PRELID2: variants seen among roughly 807,000 people sequenced by gnomAD.
PRELID2 encodes the protein PRELI domain containing 2.
PRELID2 carries 25 observed loss-of-function variants against 28.4 expected under a neutral mutation model. That is an observed-to-expected ratio of 0.88 (90% CI 0.64 to 1.23). PRELID2 has a LOEUF of 1.23. Among genes scored for constraint, PRELID2 ranks in the 50% most tolerant of loss-of-function variants. PRELID2 has a pLI of 0.00. For missense variants in PRELID2, 201 were observed against 214.4 expected, an observed-to-expected ratio of 0.94 and a Z score of 0.39; for synonymous variants, 76 against 71.6, an observed-to-expected ratio of 1.06 and a Z score of -0.31.
chr5:145,325,984 C>T, the PRELID2 span, among the ~76,000 whole-genome samples: 1 of 152,102 alleles, frequency 6.6e-6, no homozygotes, highest in African/African-American at 2.4e-5. Context: ...TATTTACAGA[C>T]ATTGGACAAC....
chr5:145,622,683 TC>T (rs1753788745), intron 1 of PRELID2, among the ~76,000 whole-genome samples: 1 of 152,144 alleles, frequency 6.6e-6, no homozygotes, highest in Admixed American at 6.5e-5. Flanking sequence ...ATTTGAACTT[TC>T]TTTAGTTAAA....
At chr5:145,596,527 G>C (rs1442729113) in intron 1 of PRELID2, among the ~76,000 whole-genome samples, 2 of 152,010 alleles carry the variant, frequency 1.3e-5, no homozygotes, top group East Asian at 3.9e-4. Flanking sequence ...CCAGGTTCTT[G>C]TTGTTGTTCC....
chr5:145,232,518 G>A, the PRELID2 span, among the ~76,000 whole-genome samples: 1 of 152,116 alleles, frequency 6.6e-6, no homozygotes, highest in African/African-American at 2.4e-5. Context: ...GAAAAGAAGA[G>A]TAAGGTCTTG....
intron 1 of PRELID2, among the ~76,000 whole-genome samples, chr5:145,588,525 T>A (rs1580986716): frequency 6.6e-6 from 1 of 152,258 alleles, no homozygotes; most frequent in East Asian, 1.9e-4. Flanking sequence ...CATACTCACA[T>A]CTATATGTAG....
chr5:145,698,729 GT>G (rs1755338965), intron 1 of PRELID2, among the ~76,000 whole-genome samples: 1 of 152,116 alleles, frequency 6.6e-6, no homozygotes, highest in African/African-American at 2.4e-5. Flanking sequence ...TTGTTTGTTT[GT>G]TTGTTTGTTT....
At chr5:145,508,299 A>AGATAGATAGATAGATT (rs1561496168) in intron 1 of PRELID2, among the ~76,000 whole-genome samples, 1 of 104,584 alleles carries the variant, frequency 9.6e-6, no homozygotes, top group East Asian at 4.2e-4. Flanking sequence ...TAGATAGATT[A>AGATAGATAGATAGATT]AAAAATGTAA....
chr5:145,649,345 A>G lies in PRELID2; in HGVS notation n.70+115586T>C, dbSNP rs148945673. Among the ~76,000 whole-genome samples, 206 of 152,334 alleles carry G rather than the reference A, an allele frequency of 1.4e-3. 2 individuals carry two copies. Among genetic ancestry groups the G allele is most frequent in the African/African-American group, 4.9e-3 (202 of 41,578 alleles). On this transcript the variant is annotated intron_variant and non_coding_transcript_variant, in intron 1 of 2. Transcript: ENST00000510259. ...CAGATATACAGAGATGACAGTATTC[A>G]ATAAATTACATTACATATTTAATAC...
intron 1 of PRELID2, among the ~76,000 whole-genome samples, chr5:145,490,059 G>A (rs1382205450): frequency 1.3e-5 from 2 of 152,062 alleles, no homozygotes; most frequent in Non-Finnish European, 2.9e-5. Flanking sequence ...TTCTTTCTCA[G>A]TATTTCTTAA....
At chr5:145,617,518 G>A (rs62394213) in intron 1 of PRELID2, among the ~76,000 whole-genome samples, 26,935 of 152,054 alleles carry the variant, frequency 0.18, 4,018 homozygotes, top group African/African-American at 0.39. Context: ...GTCATTTATC[G>A]TAATACCAGA....
intron 1 of PRELID2, among the ~76,000 whole-genome samples, chr5:145,671,798 A>AT (rs1425683649): frequency 2.0e-5 from 3 of 152,200 alleles, no homozygotes; most frequent in Non-Finnish European, 4.4e-5. Context: ...GGACTTAGGA[A>AT]AATGTTCTAC....
chr5:145,777,834 G>GC (rs1384677306), intron 5 of PRELID2, among the ~76,000 whole-genome samples: 1 of 152,188 alleles, frequency 6.6e-6, no homozygotes, highest in Non-Finnish European at 1.5e-5. Context: ...GGTGGGAAGG[G>GC]CCCCTGTGCA....
chr5:145,523,378 T>C (rs1183671318), intron 1 of PRELID2, among the ~76,000 whole-genome samples: 1 of 152,210 alleles, frequency 6.6e-6, no homozygotes, highest in African/African-American at 2.4e-5. Flanking sequence ...TATATTCAAT[T>C]TGGCCCCAAA....
chr5:145,261,178 A>T, the PRELID2 span, among the ~76,000 whole-genome samples: 1 of 152,106 alleles, frequency 6.6e-6, no homozygotes, highest in Non-Finnish European at 1.5e-5. Flanking sequence ...GCCCAAGGAG[A>T]GTCTGAGCTC....
the PRELID2 span, among the ~76,000 whole-genome samples, chr5:145,300,215 G>T: frequency 6.6e-6 from 1 of 152,010 alleles, no homozygotes; most frequent in African/African-American, 2.4e-5. Context: ...CTTGATATCT[G>T]ATAATACCTT....
At position 145,691,030 on chromosome 5, in the gene PRELID2, T is replaced by A. The variant is rs1287773604; in HGVS notation, n.70+73901A>T. 2.6e-4 allele frequency among the ~76,000 whole-genome samples: 40 copies of A among 152,246 alleles called. 1 individual carries two copies. Among genetic ancestry groups the A allele is most frequent in the Admixed American group, 2.6e-3 (40 of 15,292 alleles). ...AAAGTTATGATGAAATAGGTACATT[T>A]ATGCACTGCATGTGATGGTGTAAAT... On this transcript the variant is annotated intron_variant and non_coding_transcript_variant, in intron 1 of 2. Coordinates refer to the PRELID2 transcript ENST00000510259.
chr5:145,247,994 T>C, the PRELID2 span, among the ~76,000 whole-genome samples: 1 of 152,016 alleles, frequency 6.6e-6, no homozygotes, highest in East Asian at 1.9e-4. Flanking sequence ...ATTTGGAGAG[T>C]AGCTAGAGTC....
the PRELID2 span, among the ~76,000 whole-genome samples, chr5:145,404,965 G>A: frequency 2.0e-5 from 3 of 152,168 alleles, no homozygotes; most frequent in East Asian, 1.9e-4. Context: ...TGGAGGCCCC[G>A]CTGCACATAT....
intron 1 of PRELID2, among the ~76,000 whole-genome samples, chr5:145,692,144 T>C (rs1755163353): frequency 6.6e-6 from 1 of 152,216 alleles, no homozygotes; most frequent in Admixed American, 6.5e-5. Context: ...ATTTTCACAA[T>C]GCCACACACT....
At chr5:145,480,451 T>C (rs893418564) in intron 1 of PRELID2, among the ~76,000 whole-genome samples, 16 of 152,160 alleles carry the variant, frequency 1.1e-4, no homozygotes, top group Admixed American at 3.3e-4. Context: ...TTTTTAAGTT[T>C]TCTCAAAACC....
Sources: allele counts gnomAD v4.1 joint callset (sites outside exome capture counted in the v4.1 genomes callset), GRCh38; gene constraint gnomAD v4.1.1; transcripts MANE v1.5; gene names NCBI Gene and HGNC (gene_info 2026-07-23, HGNC 2026-07-21).